FSTL5: variants seen among roughly 807,000 people sequenced by gnomAD.
The protein encoded by FSTL5 is follistatin like 5.
Under a neutral mutation model 89.1 loss-of-function variants are expected in FSTL5, and 62 were observed. That is an observed-to-expected ratio of 0.70 (90% CI 0.57 to 0.86). The LOEUF is 0.86. Ranked by LOEUF, FSTL5 falls within the 40% of genes least tolerant of loss-of-function variation. The probability of loss-of-function intolerance (pLI) is 0.00; values close to 1 mark genes in which losing one functional copy is unlikely to be tolerated. For missense variants in FSTL5, 1,057 were observed against 1,001.6 expected (o/e 1.06, Z -0.75); for synonymous variants, 383 against 346.2 (o/e 1.11, Z -1.18).
intron 4 of FSTL5, among the ~76,000 whole-genome samples, chr4:161,907,341 C>A (rs1451660242): frequency 6.6e-6 from 1 of 151,936 alleles, no homozygotes; most frequent in African/African-American, 2.4e-5. Context: ...TGGCCTTATA[C>A]AGGGAATTAA....
intron 13 of FSTL5, among the ~76,000 whole-genome samples, chr4:161,464,272 T>C (rs1038905234): frequency 1.3e-5 from 2 of 152,196 alleles, no homozygotes; most frequent in Non-Finnish European, 2.9e-5. Context: ...CTGGCCTCCT[T>C]TGCTGTTCAT....
intron 15 of FSTL5, among the ~76,000 whole-genome samples, chr4:161,444,945 G>A (rs1732895693): frequency 6.6e-6 from 1 of 151,910 alleles, no homozygotes; most frequent in African/African-American, 2.4e-5. Flanking sequence ...TTTTAAATGA[G>A]ACAGAGCATA....
chr4:161,425,624 C>G (rs571883487), intron 15 of FSTL5, among the ~76,000 whole-genome samples: 2 of 152,270 alleles, frequency 1.3e-5, no homozygotes, highest in East Asian at 1.9e-4. Context: ...TGCACTACCA[C>G]AAGGCATTAG....
chr4:161,436,116 A>G (rs907591194), intron 15 of FSTL5, among the ~76,000 whole-genome samples: 16 of 152,274 alleles, frequency 1.1e-4, no homozygotes, highest in Non-Finnish European at 1.5e-4. Flanking sequence ...ATCCTTTTAA[A>G]GGAGGCCAAA....
chr4:161,483,920 C>T (rs892716283), intron 12 of FSTL5, among the ~76,000 whole-genome samples: 104 of 152,020 alleles, frequency 6.8e-4, no homozygotes, highest in African/African-American at 2.4e-3. Flanking sequence ...AGATGAGAGT[C>T]CTGGAAAAGA....
At chr4:161,982,247 A>G (rs1044799972) in intron 3 of FSTL5, among the ~76,000 whole-genome samples, 2 of 152,200 alleles carry the variant, frequency 1.3e-5, no homozygotes, top group African/African-American at 4.8e-5. Context: ...AATGAGCTGC[A>G]CAAGAGATAC....
At chr4:161,721,319 A>C (rs1739207452) in intron 6 of FSTL5, among the ~76,000 whole-genome samples, 2 of 150,334 alleles carry the variant, frequency 1.3e-5, no homozygotes, top group African/African-American at 2.4e-5. Context: ...TTTTTCTAAG[A>C]AGGTAGATCT....
chr4:161,480,653 C>A (rs1176482749), intron 13 of FSTL5, among the ~76,000 whole-genome samples: 2 of 152,112 alleles, frequency 1.3e-5, no homozygotes, highest in African/African-American at 2.4e-5. Flanking sequence ...AATAAGGAGA[C>A]CTCAATTCCG....
At chr4:161,524,547 A>T (rs569783093) in intron 10 of FSTL5, among the ~76,000 whole-genome samples, 1 of 152,060 alleles carries the variant, frequency 6.6e-6, no homozygotes, top group Non-Finnish European at 1.5e-5. Flanking sequence ...CTTTTTTTTC[A>T]TGCATACACT....
chr4:161,644,474 C>T (rs1354433975), intron 7 of FSTL5, among the ~76,000 whole-genome samples: 3 of 150,674 alleles, frequency 2.0e-5, no homozygotes, highest in Non-Finnish European at 4.4e-5. Flanking sequence ...TGTAGTGAGC[C>T]GAGGCCGCAC....
At chr4:161,607,363 C>A (rs1424371591) in intron 7 of FSTL5, among the ~76,000 whole-genome samples, 2 of 151,996 alleles carry the variant, frequency 1.3e-5, no homozygotes, top group Non-Finnish European at 2.9e-5. Context: ...TTTTTTAAGT[C>A]AGGAGAGAAT....
Position 161,428,390 on chromosome 4 carries a change from C to T in FSTL5, c.1841+26614G>A, listed in dbSNP as rs79463950. 8.6e-3 allele frequency among the ~76,000 whole-genome samples: 1,316 copies of T among 152,300 alleles called. 21 individuals carry two copies. Among genetic ancestry groups the T allele is most frequent in the African/African-American group, 0.03 (1,243 of 41,570 alleles). On this transcript the variant is annotated intron_variant, in intron 15 of 15. Transcript: ENST00000306100. ...TGACCTAGTGAGACACTGGCCTAGG[C>T]GACCTAGGGCGTGGTTGCACCACCC... is the stretch of plus-strand genomic sequence containing the variant.
chr4:162,019,875 T>G (rs1272621369), intron 3 of FSTL5, among the ~76,000 whole-genome samples: 1 of 149,872 alleles, frequency 6.7e-6, no homozygotes, highest in Non-Finnish European at 1.5e-5. Context: ...TATAAATATA[T>G]ATGCATTTAT....
At position 161,500,067 on chromosome 4, in the gene FSTL5, T is replaced by G. The variant is rs904556584; in HGVS notation, c.1407A>C (p.Glu469Asp). 9.9e-6 allele frequency: 16 copies of G among 1,611,190 alleles called. No individual in the cohort carries two copies. Among genetic ancestry groups the G allele is most frequent in the Non-Finnish European group, 1.4e-5 (16 of 1,178,374 alleles). ...GCTTAATGTGCCTCTGAAATTCACA[T>G]TCTATGGGTTGTATCACTTTGATTC... Reference protein sequence around the residue: ...EDGIKVIQPIECEFQRHIKPS... With the variant: ...EDGIKVIQPIDCEFQRHIKPS... Residue 469 changes from glutamate (E) to aspartate (D), a missense_variant, in exon 12 of 16, where the codon GAA becomes GAC. By Grantham distance (45) the Glu-to-Asp change is conservative. Around this residue, in one of 3 missense-constraint regions of FSTL5, gnomAD observed 980 missense variants for 903.2 expected, o/e 1.08. Transcript: ENST00000306100.
At chr4:161,950,032 T>A (rs1734847843) in intron 3 of FSTL5, among the ~76,000 whole-genome samples, 1 of 152,090 alleles carries the variant, frequency 6.6e-6, no homozygotes, top group African/African-American at 2.4e-5. Context: ...ATAAGATAAA[T>A]AATATCTTCA....
chr4:161,890,325 A>G (rs537820577), intron 4 of FSTL5, among the ~76,000 whole-genome samples: 2 of 152,260 alleles, frequency 1.3e-5, no homozygotes, highest in South Asian at 4.2e-4. Context: ...ACAAATTCAA[A>G]TTTGGATGGA....
At position 162,138,685 on chromosome 4, in the gene FSTL5, C is replaced by G. The variant is rs571927075; in HGVS notation, c.-17+24930G>C. On this transcript the variant is annotated intron_variant, in intron 1 of 15. Coordinates refer to ENST00000306100, the MANE Select transcript of FSTL5 (RefSeq NM_020116.5). ...ATCTGTAATAATTGGAAAGTTTAGA[C>G]AAACCCTGTTTATTTTTAATAAAGT... is the stretch of plus-strand genomic sequence containing the variant. Among the ~76,000 whole-genome samples, 6 of 152,048 alleles carry G rather than the reference C, an allele frequency of 3.9e-5. No homozygotes were observed. The South Asian group carries it at 1.2e-3, about 32-fold the overall frequency.
At chr4:161,689,376 G>C (rs1371484410) in intron 6 of FSTL5, among the ~76,000 whole-genome samples, 1 of 152,078 alleles carries the variant, frequency 6.6e-6, no homozygotes, top group East Asian at 1.9e-4. Context: ...TTGAGCACTT[G>C]AAATGTGGTT....
chr4:161,876,019 C>T lies in FSTL5; in HGVS notation c.409+44385G>A, dbSNP rs556349057. Among the ~76,000 whole-genome samples the T allele has an allele frequency of 3.9e-5, 6 of 152,224 alleles. No individual in the cohort carries two copies. In the South Asian group the frequency reaches 1.2e-3, roughly 32 times the overall value. On this transcript the variant is annotated intron_variant, in intron 4 of 15. Coordinates refer to ENST00000306100, the MANE Select transcript of FSTL5 (RefSeq NM_020116.5). ...TAGAAATTTTTTAATCCATGCATATCTTCTCATTTCTAGTATAACAACACT... is the reference window on the plus strand; with the variant it reads ...TAGAAATTTTTTAATCCATGCATATTTTCTCATTTCTAGTATAACAACACT...
Sources: gnomAD v4.1 joint callset for allele counts (sites outside exome capture counted in the v4.1 genomes callset) on GRCh38, gnomAD v4.1.1 for gene constraint, gnomAD v4.1.1 regional missense constraint, MANE v1.5 for transcripts, NCBI Gene and HGNC (gene_info 2026-07-23, HGNC 2026-07-21) for gene names.